PTGER3: variants seen among roughly 807,000 people sequenced by gnomAD.
PTGER3 encodes prostaglandin E2 receptor EP3 subtype.
Under a neutral mutation model 34.7 loss-of-function variants are expected in PTGER3, and 22 were observed. The ratio of observed to expected loss-of-function variants is 0.63; its 90% CI spans 0.45 to 0.91. The LOEUF (loss-of-function observed/expected upper bound fraction) is 0.91, where lower values mean the gene tolerates loss of function less well. Ranked by LOEUF, PTGER3 falls within the 40% of genes least tolerant of loss-of-function variation. The pLI, the probability that PTGER3 is intolerant of heterozygous loss-of-function variation, is 0.00. For missense variants in PTGER3, 468 were observed against 519.4 expected, an observed-to-expected ratio of 0.90 and a Z score of 0.96; for synonymous variants, 241 against 230.1, an observed-to-expected ratio of 1.05 and a Z score of -0.43.
At chr1:71,021,847 A>T (rs891119350) in intron 1 of PTGER3, among the ~76,000 whole-genome samples, 3 of 151,842 alleles carry the variant, frequency 2.0e-5, no homozygotes, top group East Asian at 3.9e-4. Context: ...AGCACTGCTT[A>T]AACTATGGAC....
chr1:70,900,526 T>C (rs1421710018), intron 4 of PTGER3, among the ~76,000 whole-genome samples: 1 of 146,782 alleles, frequency 6.8e-6, no homozygotes, highest in Non-Finnish European at 1.5e-5. Flanking sequence ...ATCATAGTTA[T>C]ATTAATATAC....
chr1:70,934,416 C>T (rs1373565204), intron 4 of PTGER3, among the ~76,000 whole-genome samples: 1 of 152,186 alleles, frequency 6.6e-6, no homozygotes, highest in Non-Finnish European at 1.5e-5. Flanking sequence ...GGCTCCCTTT[C>T]AGGAATTCAG....
chr1:70,895,936 A>C (rs560455770), intron 4 of PTGER3, among the ~76,000 whole-genome samples: 2 of 152,336 alleles, frequency 1.3e-5, no homozygotes, highest in South Asian at 4.1e-4. Context: ...GTCTCTGACA[A>C]CCTGGAGTAA....
In PTGER3 at chr1:70,869,368, T is replaced by A. The variant is rs188884902; in HGVS notation, c.*24-16509A>T. The A allele has an allele frequency of 3.6e-5, 16 of 449,744 alleles. 1 individual carries two copies. In the Admixed American group the frequency reaches 3.7e-4, roughly 10 times the overall value. 27.9% of individuals were successfully genotyped at this position (449,744 alleles called of 1,614,324 possible). On this transcript the variant is annotated intron_variant, in intron 4 of 4. Coordinates refer to the PTGER3 transcript ENST00000370931. ...CATGAGATTTGGGCATGGACAAATA[T>A]CCAAACTATATCATTCCACCCCTCT... is the stretch of plus-strand genomic sequence containing the variant.
At chr1:71,017,191 G>A (rs1267898993) in intron 1 of PTGER3, among the ~76,000 whole-genome samples, 3 of 152,034 alleles carry the variant, frequency 2.0e-5, no homozygotes, top group African/African-American at 4.8e-5. Flanking sequence ...AAAAACAAGT[G>A]TCCTAAAAAA....
At chr1:70,865,046 T>C (rs1351478476) in intron 4 of PTGER3, among the ~76,000 whole-genome samples, 1 of 151,902 alleles carries the variant, frequency 6.6e-6, no homozygotes, top group Non-Finnish European at 1.5e-5. Context: ...GAAAGAGTGA[T>C]AGGGAAAACA....
chr1:70,896,446 G>A (rs1557638133), intron 4 of PTGER3, among the ~76,000 whole-genome samples: 1 of 152,130 alleles, frequency 6.6e-6, no homozygotes, highest in South Asian at 2.1e-4. Context: ...CAGAAGCTAA[G>A]AGAAGCATTG....
chr1:71,032,757 C>T (rs567565248), intron 1 of PTGER3, among the ~76,000 whole-genome samples: 1 of 152,274 alleles, frequency 6.6e-6, no homozygotes, highest in African/African-American at 2.4e-5. Flanking sequence ...TTTGCTTAAG[C>T]TAGTTTGCAT....
intron 4 of PTGER3, among the ~76,000 whole-genome samples, chr1:70,857,770 G>A (rs1468050046): frequency 6.6e-6 from 1 of 152,056 alleles, no homozygotes; most frequent in Non-Finnish European, 1.5e-5. Context: ...TCCCGAACTT[G>A]TGATCCACCC....
At chr1:70,952,916 C>G in exon 4 of PTGER3, 2 of 1,607,360 alleles carry the variant, frequency 1.2e-6, no homozygotes, top group Non-Finnish European at 1.7e-6. Context: ...GTTATTCTGT[C>G]TTTACTGTTG....
At chr1:70,979,561 G>A (rs116814550) in intron 2 of PTGER3, among the ~76,000 whole-genome samples, 202 of 152,154 alleles carry the variant, frequency 1.3e-3, no homozygotes, top group African/African-American at 4.7e-3. Flanking sequence ...ATCATTTCTA[G>A]TCCGGGGCCT....
Position 70,865,203 on chromosome 1 carries a change from C to T in PTGER3, c.*24-12344G>A, listed in dbSNP as rs373669472. On this transcript the variant is annotated intron_variant, in intron 4 of 4. Coordinates refer to the PTGER3 transcript ENST00000370931. ...GATGAGGTCAGCAGGAGAGGTTTGT[C>T]TACCACCCTAAGGCATTGAGACCTA... Among the ~76,000 whole-genome samples, 3 of 152,168 alleles carry T rather than the reference C, an allele frequency of 2.0e-5. No individual in the cohort carries two copies. In the East Asian group the frequency reaches 5.8e-4, roughly 29 times the overall value.
chr1:70,978,286 C>A (rs1291019092), intron 2 of PTGER3, among the ~76,000 whole-genome samples: 1 of 152,136 alleles, frequency 6.6e-6, no homozygotes, highest in Non-Finnish European at 1.5e-5. Flanking sequence ...ACCTGTATTG[C>A]ATATTAAGTT....
At chr1:70,984,142 C>G (rs1331930831) in intron 2 of PTGER3, among the ~76,000 whole-genome samples, 2 of 152,016 alleles carry the variant, frequency 1.3e-5, no homozygotes, top group East Asian at 3.9e-4. Context: ...ATCCCAGCAC[C>G]TTTGGAGGCC....
At chr1:71,032,208 T>C (rs2100954350) in intron 1 of PTGER3, among the ~76,000 whole-genome samples, 1 of 152,326 alleles carries the variant, frequency 6.6e-6, no homozygotes, top group Middle Eastern at 3.4e-3. Flanking sequence ...GGAGTATTCG[T>C]GAGATTTTCG....
intron 2 of PTGER3, among the ~76,000 whole-genome samples, chr1:70,954,716 T>C (rs1245068348): frequency 6.6e-6 from 1 of 152,190 alleles, no homozygotes; most frequent in Non-Finnish European, 1.5e-5. Context: ...GTAAATTCAA[T>C]AGGGTCTCTT....
chr1:70,879,555 T>C (rs1306107346), intron 4 of PTGER3, among the ~76,000 whole-genome samples: 1 of 152,178 alleles, frequency 6.6e-6, no homozygotes, highest in Non-Finnish European at 1.5e-5. Flanking sequence ...GCCTCCCTCT[T>C]TCTTTTTTGA....
At chr1:70,909,065 A>G (rs1647008652) in intron 4 of PTGER3, among the ~76,000 whole-genome samples, 1 of 152,198 alleles carries the variant, frequency 6.6e-6, no homozygotes. Flanking sequence ...TGCATTGTTT[A>G]TTACAGCTGG....
At chr1:70,953,849 G>A in intron 2 of PTGER3, 1 of 791,502 alleles carries the variant, frequency 1.3e-6, no homozygotes, top group Non-Finnish European at 1.9e-6. Flanking sequence ...GTTCCTAGAA[G>A]GATGCTAAAC....
Sources: allele counts gnomAD v4.1 joint callset (sites outside exome capture counted in the v4.1 genomes callset), GRCh38; gene constraint gnomAD v4.1.1; transcripts MANE v1.5; gene names NCBI Gene and HGNC (gene_info 2026-07-23, HGNC 2026-07-21).